Variants in FHIT observed in about 807,000 individuals in gnomAD.
FHIT encodes the protein fragile histidine triad diadenosine triphosphatase, also known as bis(5'-adenosyl)-triphosphatase.
Under a neutral mutation model 17.9 loss-of-function variants are expected in FHIT, and 19 were observed. The observed-to-expected ratio is 1.06, with a 90% CI of 0.74 to 1.56. FHIT has a LOEUF of 1.56. FHIT is among the 40% of genes most tolerant of loss of function. The probability of loss-of-function intolerance (pLI) is 0.00; values close to 1 mark genes in which losing one functional copy is unlikely to be tolerated. For synonymous variants in FHIT, 81 were observed against 69.7 expected, an observed-to-expected ratio of 1.16 and a Z score of -0.81; for missense variants, 248 against 189.2, an observed-to-expected ratio of 1.31 and a Z score of -1.82.
intron 1 of FHIT, among the ~76,000 whole-genome samples, chr3:61,208,866 T>C (rs1225931754): frequency 1.3e-5 from 2 of 152,190 alleles, no homozygotes; most frequent in African/African-American, 2.4e-5. Flanking sequence ...ATTATGATGT[T>C]AGCTGGTTAT....
intron 5 of FHIT, among the ~76,000 whole-genome samples, chr3:60,232,097 G>A (rs1704525500): frequency 6.6e-6 from 1 of 152,160 alleles, no homozygotes; most frequent in Non-Finnish European, 1.5e-5. Flanking sequence ...ACTTGTAGTA[G>A]AAATGGTATG....
intron 8 of FHIT, among the ~76,000 whole-genome samples, chr3:59,834,678 G>T (rs1345864733): frequency 6.6e-6 from 1 of 152,090 alleles, no homozygotes; most frequent in Non-Finnish European, 1.5e-5. Context: ...TCCCATTCCT[G>T]AGGGGCCCTA....
At chr3:60,704,554 C>T (rs2041325735) in intron 4 of FHIT, among the ~76,000 whole-genome samples, 1 of 152,136 alleles carries the variant, frequency 6.6e-6, no homozygotes, top group African/African-American at 2.4e-5. Flanking sequence ...ATCTAAATGA[C>T]ATTTCAAGGG....
chr3:61,107,945 T>C (rs1388862745), intron 2 of FHIT, among the ~76,000 whole-genome samples: 2 of 152,210 alleles, frequency 1.3e-5, no homozygotes, highest in African/African-American at 2.4e-5. Flanking sequence ...GGGTAGGCTA[T>C]GGTTTGTTTA....
chr3:60,607,459 A>C (rs1434217087), intron 4 of FHIT, among the ~76,000 whole-genome samples: 1 of 151,616 alleles, frequency 6.6e-6, no homozygotes, highest in Non-Finnish European at 1.5e-5. Flanking sequence ...GCCACTAATT[A>C]AAAGTATATT....
intron 5 of FHIT, among the ~76,000 whole-genome samples, chr3:60,449,938 G>A (rs1576674416): frequency 6.8e-6 from 1 of 147,254 alleles, no homozygotes; most frequent in Admixed American, 6.9e-5. Flanking sequence ...GGGAGGCAGA[G>A]GTTGCAATAA....
At chr3:60,422,140 A>T (rs181343753) in intron 5 of FHIT, among the ~76,000 whole-genome samples, 2 of 152,316 alleles carry the variant, frequency 1.3e-5, no homozygotes, top group East Asian at 3.9e-4. Context: ...GCTTATAAGC[A>T]GCAGATTTTT....
intron 2 of FHIT, among the ~76,000 whole-genome samples, chr3:61,138,424 T>C (rs1350198686): frequency 6.6e-6 from 1 of 152,208 alleles, no homozygotes; most frequent in Non-Finnish European, 1.5e-5. Context: ...CATGCAGCCA[T>C]GCTTGTGGGC....
At chr3:60,552,516 T>C (rs751889186) in intron 4 of FHIT, among the ~76,000 whole-genome samples, 1 of 152,188 alleles carries the variant, frequency 6.6e-6, no homozygotes, top group South Asian at 2.1e-4. Context: ...AATTAATTGG[T>C]CTGGCTGAGA....
At chr3:60,721,748 G>A (rs1553708120) in intron 4 of FHIT, among the ~76,000 whole-genome samples, 1 of 152,086 alleles carries the variant, frequency 6.6e-6, no homozygotes, top group African/African-American at 2.4e-5. Context: ...TTTACAATAA[G>A]TGGTTCCAGG....
rs1467815781 is a variant in FHIT, at chr3:60,744,265, AAAC to A, written c.-18+77651_-18+77653del. ...GTAATGTAAAAAAAAAAACAAAACA[AAAC>A]AAAAAAAAAAAAAAACAGAAAGAAA... is the stretch of plus-strand genomic sequence containing the variant. On this transcript the variant is annotated intron_variant, in intron 4 of 9. Transcript: ENST00000492590. Among the ~76,000 whole-genome samples, 418 of 46,994 alleles carry A rather than the reference AAAC, an allele frequency of 8.9e-3. 6 individuals carry two copies. Among genetic ancestry groups the A allele is most frequent in the East Asian group, 0.024 (20 of 838 alleles). 30.8% of individuals were successfully genotyped at this position (46,994 alleles called of 152,430 possible). A position where few individuals can be genotyped will look rare whatever the true frequency, so the allele number is the denominator to read the frequency against.
chr3:60,468,000 A>G (rs1324100848), intron 5 of FHIT, among the ~76,000 whole-genome samples: 8 of 152,062 alleles, frequency 5.3e-5, no homozygotes, highest in Non-Finnish European at 7.4e-5. Flanking sequence ...TATATTTACA[A>G]TTGTTATATC....
intron 5 of FHIT, among the ~76,000 whole-genome samples, chr3:60,475,195 T>C (rs2033284118): frequency 2.0e-5 from 3 of 152,038 alleles, no homozygotes; most frequent in African/African-American, 7.3e-5. Context: ...GTTCATCTCT[T>C]TAATCTTCAC....
chr3:59,772,328 C>T (rs962370656), intron 8 of FHIT, among the ~76,000 whole-genome samples: 23 of 152,342 alleles, frequency 1.5e-4, no homozygotes, highest in African/African-American at 4.6e-4. Flanking sequence ...GAAATCACCC[C>T]GGTTTGCCTC....
intron 3 of FHIT, among the ~76,000 whole-genome samples, chr3:60,978,971 A>G (rs1270113024): frequency 6.6e-6 from 1 of 152,218 alleles, no homozygotes; most frequent in African/African-American, 2.4e-5. Flanking sequence ...TTCTCTGATC[A>G]TGCTTTCAGT....
chr3:60,257,412 T>G (rs76602595), intron 5 of FHIT, among the ~76,000 whole-genome samples: 1 of 152,172 alleles, frequency 6.6e-6, no homozygotes, highest in African/African-American at 2.4e-5. Flanking sequence ...ACATCCTGCA[T>G]GGACAATAAA....
At chr3:61,004,357 C>T (rs953798882) in intron 3 of FHIT, among the ~76,000 whole-genome samples, 1 of 152,170 alleles carries the variant, frequency 6.6e-6, no homozygotes, top group African/African-American at 2.4e-5. Context: ...CCGGTTTCTC[C>T]TCTTCTGTAT....
chr3:60,701,230 C>T (rs2041239527), intron 4 of FHIT, among the ~76,000 whole-genome samples: 1 of 151,026 alleles, frequency 6.6e-6, no homozygotes, highest in Non-Finnish European at 1.5e-5. Context: ...CTCTGGTGAT[C>T]CTCCAACCTC....
chr3:60,641,607 C>T (rs782203233), intron 4 of FHIT, among the ~76,000 whole-genome samples: 2 of 152,214 alleles, frequency 1.3e-5, no homozygotes, highest in South Asian at 2.1e-4. Flanking sequence ...CAGTGTCCTT[C>T]GTTTCTCCAG....
Sources: allele counts gnomAD v4.1 joint callset (sites outside exome capture counted in the v4.1 genomes callset), GRCh38; gene constraint gnomAD v4.1.1; transcripts MANE v1.5; gene names NCBI Gene and HGNC (gene_info 2026-07-23, HGNC 2026-07-21).